The following HIPK1 variants were observed in gnomAD, a reference collection of about 807,000 sequenced individuals.
HIPK1 encodes homeodomain interacting protein kinase 1.
A neutral mutation model predicts 117.1 loss-of-function variants in HIPK1; 28 were observed. The observed-to-expected ratio is 0.24, with a 90% CI of 0.18 to 0.33. The LOEUF is 0.33. Among genes scored for constraint, HIPK1 ranks in the 10% least tolerant of loss-of-function variants. The pLI is 1.00. For synonymous variants in HIPK1, 605 were observed against 562.5 expected (o/e 1.08, Z -1.07); for missense variants, 1,122 against 1,475.1 (o/e 0.76, Z 3.92).
intron 15 of HIPK1, 81 bp from the exon 16 acceptor site, chr1:113,972,943 A>G (rs1021638825): frequency 5.5e-6 from 8 of 1,453,224 alleles, no homozygotes; most frequent in East Asian, 4.6e-5. Context: ...TACAAGTCAG[A>G]ACCTGAGCTC....
chr1:113,929,841 G>A (rs1392079117), intron 1 of HIPK1: 5 of 987,962 alleles, frequency 5.1e-6, no homozygotes, highest in South Asian at 4.5e-5. Flanking sequence ...GGCTCGCGCG[G>A]GGGGTATGAT....
intron 2 of HIPK1, among the ~76,000 whole-genome samples, chr1:113,944,744 C>T (rs970145881): frequency 1.3e-5 from 2 of 152,184 alleles, no homozygotes; most frequent in South Asian, 2.1e-4. Context: ...CAGGCATGAG[C>T]CACCGGGCCC....
At chr1:113,932,137 A>G (rs938973322) in intron 1 of HIPK1, 1 of 152,142 alleles carries the variant, frequency 6.6e-6, no homozygotes, top group Non-Finnish European at 1.5e-5. Context: ...ATAATTTGGC[A>G]CTTGAAAAAT....
rs745553900 is a variant in HIPK1, at chr1:113,940,798, A to G, written c.415A>G (p.Ile139Val). 13 of 1,613,980 alleles carry G rather than the reference A, an allele frequency of 8.1e-6. No individual in the cohort carries two copies. The highest frequency in any genetic ancestry group is 1.1e-5 in the South Asian group (1 of 91,088). Reference sequence around the variant, plus strand: ...TGACAGCAACGGTAGTGTGCAGATCATAGAAGAACATCCCCCTCTCATGCT... The same window carrying G: ...TGACAGCAACGGTAGTGTGCAGATCGTAGAAGAACATCCCCCTCTCATGCT... Reference protein sequence around the residue: ...EVDSNGSVQIIEEHPPLMLQN... With the variant: ...EVDSNGSVQIVEEHPPLMLQN... The change falls in exon 2 of 16, where the codon ATA becomes GTA. Residue 139 changes from isoleucine to valine, a missense_variant. This residue lies in a region of HIPK1 where 192 missense variants were observed against 234.0 expected (regional missense o/e 0.82). Coordinates refer to ENST00000426820, the MANE Select transcript of HIPK1 (RefSeq NM_198268.3).
At chr1:113,946,174 G>A (rs1670980264) in intron 2 of HIPK1, among the ~76,000 whole-genome samples, 1 of 152,062 alleles carries the variant, frequency 6.6e-6, no homozygotes, top group Admixed American at 6.5e-5. Context: ...GCTCTCCTTT[G>A]AGCAGTCTCA....
At position 113,954,744 on chromosome 1, in the gene HIPK1, T is replaced by C. The variant is rs1405042805; in HGVS notation, c.1294T>C (p.Leu432=). 16 of 1,614,020 alleles carry C rather than the reference T, an allele frequency of 9.9e-6. No homozygotes were observed. Among genetic ancestry groups the C allele is most frequent in the Admixed American group, 6.7e-5 (4 of 60,010 alleles). The part of the protein sequence containing the change: ...TTRFFNRDPN[L]GYPLWRLKTP... ...CAGGTTTTTCAACAGAGATCCTAAT[T>C]TGGGGTACCCACTGTGGAGGCTTAA... Residue 432 remains leucine (L), a synonymous_variant, in exon 4 of 16, where the codon TTG becomes CTG. Coordinates refer to ENST00000426820, the MANE Select transcript of HIPK1 (RefSeq NM_198268.3).
chr1:113,937,652 A>G (rs796119603), intron 1 of HIPK1, among the ~76,000 whole-genome samples: 8 of 152,294 alleles, frequency 5.3e-5, no homozygotes, highest in African/African-American at 1.9e-4. Context: ...CAGAGATGGT[A>G]CATGTGCCGG....
At chr1:113,949,760 G>A (rs1028296620) in intron 2 of HIPK1, among the ~76,000 whole-genome samples, 1 of 151,740 alleles carries the variant, frequency 6.6e-6, no homozygotes, top group African/African-American at 2.4e-5. Context: ...CACCACACCT[G>A]GCTGATTTTT....
rs1309656816 is a variant in HIPK1, at chr1:113,958,289, A to C, written c.1979A>C (p.Gln660Pro). ...QTFIVCPPAF[Q>P]TGLQATTKHS... The stretch of plus-strand genomic sequence containing the variant: ...TTTATAGTATGTCCACCTGCGTTTC[A>C]AAGTAAGTGGGGAAACTCCTGTATC... The change falls in exon 8 of 16, where the codon CAA (glutamine) becomes CCA (proline). Residue 660 changes from glutamine to proline, a missense_variant and splice_region_variant. Transcript: ENST00000426820. 2.5e-6 allele frequency: 4 copies of C among 1,608,496 alleles called. No homozygotes were observed. Among genetic ancestry groups the C allele is most frequent in the Non-Finnish European group, 3.4e-6 (4 of 1,175,590 alleles).
At chr1:113,958,452 C>T (rs1671871457) in intron 8 of HIPK1, among the ~76,000 whole-genome samples, 161 bp downstream of exon 8, 1 of 152,208 alleles carries the variant, frequency 6.6e-6, no homozygotes, top group East Asian at 1.9e-4. Flanking sequence ...TCTCTTTTTA[C>T]ATAGGCTATT....
intron 10 of HIPK1, among the ~76,000 whole-genome samples, chr1:113,965,505 C>T (rs1351034817): frequency 6.6e-6 from 1 of 152,142 alleles, no homozygotes; most frequent in East Asian, 1.9e-4. Context: ...GCTTCTAAAA[C>T]ATCTTACTTT....
intron 6 of HIPK1, 128 bp downstream of exon 6, chr1:113,956,939 C>T (rs1671767095): frequency 3.2e-6 from 3 of 949,588 alleles, no homozygotes; most frequent in Non-Finnish European, 4.9e-6. Context: ...GCTTTTCTTT[C>T]TCATTGAAAC....
At chr1:113,947,782 G>A (rs974467047) in intron 2 of HIPK1, among the ~76,000 whole-genome samples, 1 of 152,222 alleles carries the variant, frequency 6.6e-6, no homozygotes, top group Admixed American at 6.5e-5. Flanking sequence ...GATGGGATGT[G>A]TCTTCAAAGA....
At chr1:113,949,888 C>T (rs1671237968) in intron 2 of HIPK1, among the ~76,000 whole-genome samples, 1 of 152,182 alleles carries the variant, frequency 6.6e-6, no homozygotes, top group South Asian at 2.1e-4. Context: ...GCATGAGCCA[C>T]CGCACCCGGC....
chr1:113,963,927 T>C (rs1317247764), intron 10 of HIPK1, among the ~76,000 whole-genome samples: 1 of 152,252 alleles, frequency 6.6e-6, no homozygotes, highest in African/African-American at 2.4e-5. Context: ...TTGGCTCAGC[T>C]ACAGGTACCC....
At chr1:113,957,325 G>A in intron 7 of HIPK1, 39 bp downstream of exon 7, 1 of 1,522,544 alleles carries the variant, frequency 6.6e-7, no homozygotes, top group Non-Finnish European at 9.0e-7. Flanking sequence ...AGCTTAAGTG[G>A]GATAGAAACT....
chr1:113,963,363 T>C, intron 9 of HIPK1, 24 bp from the exon 10 acceptor site: 1 of 1,610,598 alleles, frequency 6.2e-7, no homozygotes, highest in Non-Finnish European at 8.5e-7. Flanking sequence ...TTTGTTTCAC[T>C]CACCTGCCTA....
At chr1:113,960,378 A>T (rs1672017844) in intron 8 of HIPK1, among the ~76,000 whole-genome samples, 1 of 152,186 alleles carries the variant, frequency 6.6e-6, no homozygotes, top group South Asian at 2.1e-4. Flanking sequence ...GTACAATAGC[A>T]ATCTAATACA....
intron 2 of HIPK1, 40 bp from the exon 3 acceptor site, chr1:113,952,726 G>GTTTT: frequency 3.0e-6 from 3 of 1,007,142 alleles, no homozygotes; most frequent in Non-Finnish European, 2.7e-6. Flanking sequence ...CCCAAATAAT[G>GTTTT]TTTTTTTTTT....
Sources: allele counts gnomAD v4.1 joint callset (sites outside exome capture counted in the v4.1 genomes callset), GRCh38; gene constraint gnomAD v4.1.1; regional missense constraint gnomAD v4.1.1; transcripts MANE v1.5; gene names NCBI Gene and HGNC (gene_info 2026-07-23, HGNC 2026-07-21).